Variants in PCDH10 observed in about 807,000 individuals in gnomAD.
PCDH10 encodes protocadherin 10, also known as protocadherin-10.
Under a neutral mutation model 74.4 loss-of-function variants are expected in PCDH10, and 15 were observed. The observed-to-expected ratio is 0.20, with a 90% CI of 0.13 to 0.31. The LOEUF (loss-of-function observed/expected upper bound fraction) is 0.31, where lower values mean the gene tolerates loss of function less well. PCDH10 is among the 10% of genes least tolerant of loss of function. The pLI, the probability that PCDH10 is intolerant of heterozygous loss-of-function variation, is 1.00. For missense variants in PCDH10, 1,260 were observed against 1,390.2 expected (o/e 0.91, Z 1.49); for synonymous variants, 619 against 589.8 (o/e 1.05, Z -0.72).
chr4:133,207,962 A>G (rs1287794366), intron 2 of PCDH10: 1 of 152,198 alleles, frequency 6.6e-6, no homozygotes, highest in East Asian at 1.9e-4. Context: ...TAAAAAAATC[A>G]AAGTGATAAA....
intron 4 of PCDH10, among the ~76,000 whole-genome samples, chr4:133,186,188 A>T (rs992883939): frequency 2.6e-5 from 4 of 152,154 alleles, no homozygotes; most frequent in Non-Finnish European, 4.4e-5. Flanking sequence ...AGTTATCAGA[A>T]GGTAGATACT....
At chr4:133,197,196 A>G (rs192502963), downstream of PCDH10, among the ~76,000 whole-genome samples, 194 of 152,312 alleles carry the variant, frequency 1.3e-3, 1 homozygote, top group Admixed American at 2.3e-3. Flanking sequence ...GTATGTTTGC[A>G]CTAGGACATA....
intron 4 of PCDH10, among the ~76,000 whole-genome samples, chr4:133,180,312 G>A (rs1180236819): frequency 6.6e-6 from 1 of 152,004 alleles, no homozygotes; most frequent in African/African-American, 2.4e-5. Flanking sequence ...TGAACAGGAG[G>A]TTGTTGATAG....
chr4:133,151,744 A>T lies in PCDH10; in HGVS notation c.1604A>T (p.Gln535Leu), dbSNP rs1726704329. The change falls in exon 1 of 5, where the codon CAG (glutamine) becomes CTG (leucine). Residue 535 changes from glutamine to leucine, a missense_variant. By Grantham distance (113) the Gln-to-Leu change is moderately radical. Transcript: ENST00000264360. ...LYALRSFDYE[Q>L]LKDFSFQVEA... is the part of the protein sequence containing the mutation. ...GCCCTGCGCTCCTTCGACTATGAGC[A>T]GCTGAAGGACTTCAGTTTTCAGGTG... 6.2e-7 allele frequency: 1 copy of T among 1,613,032 alleles called. No homozygotes were observed. Among genetic ancestry groups the T allele is most frequent in the Non-Finnish European group, 8.5e-7 (1 of 1,180,052 alleles).
rs775979415 is a variant in PCDH10, at chr4:133,151,074, G to A, written c.934G>A (p.Val312Ile). 1.2e-5 allele frequency: 20 copies of A among 1,614,134 alleles called. No individual in the cohort carries two copies. In the South Asian group the frequency reaches 2.1e-4, roughly 17 times the overall value. ...GLSPRTGRLE[V>I]SGELDYEESP... Reference sequence around the variant, plus strand: ...CTCGCCGCGCACTGGCAGACTGGAGGTAAGCGGCGAGTTGGACTATGAAGA... The same window carrying A: ...CTCGCCGCGCACTGGCAGACTGGAGATAAGCGGCGAGTTGGACTATGAAGA... The change falls in exon 1 of 5, where the codon GTA becomes ATA. Residue 312 changes from valine (V) to isoleucine (I), a missense_variant. Physicochemically the swap from Val to Ile is conservative, Grantham distance 29. Transcript: ENST00000264360.
At chr4:133,197,663 C>T (rs1434921503), downstream of PCDH10, among the ~76,000 whole-genome samples, 1 of 152,052 alleles carries the variant, frequency 6.6e-6, no homozygotes, top group African/African-American at 2.4e-5. Context: ...TAGAAAACAT[C>T]TGATGATCAT....
chr4:133,162,039 G>T (rs1240222220), intron 3 of PCDH10, among the ~76,000 whole-genome samples: 1 of 152,108 alleles, frequency 6.6e-6, no homozygotes, highest in African/African-American at 2.4e-5. Context: ...GACCTTTCTT[G>T]ATCATAATCA....
At chr4:133,199,672 T>A (rs2125877078), downstream of PCDH10, among the ~76,000 whole-genome samples, 1 of 151,318 alleles carries the variant, frequency 6.6e-6, no homozygotes, top group Non-Finnish European at 1.5e-5. Flanking sequence ...AAAGGCTTTC[T>A]AATTTTCTCT....
At chr4:133,178,495 C>G (rs755255774) in intron 4 of PCDH10, among the ~76,000 whole-genome samples, 2 of 151,924 alleles carry the variant, frequency 1.3e-5, no homozygotes, top group Non-Finnish European at 2.9e-5. Flanking sequence ...CTTGGCCTCC[C>G]AAAGTGCTGG....
intron 2 of PCDH10, among the ~76,000 whole-genome samples, chr4:133,201,154 T>TG (rs1727901290): frequency 6.6e-6 from 1 of 152,128 alleles, no homozygotes; most frequent in Non-Finnish European, 1.5e-5. Context: ...CAAGAGTAAA[T>TG]CTGACTAACC....
chr4:133,180,263 A>G (rs1727387482), intron 4 of PCDH10, among the ~76,000 whole-genome samples: 1 of 152,088 alleles, frequency 6.6e-6, no homozygotes, highest in African/African-American at 2.4e-5. Context: ...TTAAATATAA[A>G]CATAAAGGGT....
Position 133,151,809 on chromosome 4 carries a change from A to G in PCDH10, c.1669A>G (p.Asn557Asp), listed in dbSNP as rs970893347. Residue 557 changes from asparagine (N) to aspartate (D), a missense_variant, in exon 1 of 5, where the codon AAC (asparagine) becomes GAC (aspartate). By Grantham distance (23) the Asn-to-Asp change is conservative. Coordinates refer to ENST00000264360, the MANE Select transcript of PCDH10 (RefSeq NM_032961.3). ...DAGSPQALAG[N>D]ATVNILIVDQ... The stretch of plus-strand genomic sequence containing the variant: ...TGGCAGCCCCCAGGCGCTGGCTGGT[A>G]ACGCCACTGTCAACATCCTCATAGT... The G allele has an allele frequency of 1.2e-6, 2 of 1,613,098 alleles. No individual in the cohort carries two copies. Among genetic ancestry groups the G allele is most frequent in the South Asian group, 2.2e-5 (2 of 91,084 alleles).
At chr4:133,170,222 A>ATT (rs1271876217) in intron 4 of PCDH10, among the ~76,000 whole-genome samples, 1 of 152,138 alleles carries the variant, frequency 6.6e-6, no homozygotes, top group Non-Finnish European at 1.5e-5. Context: ...CGTACCTTAT[A>ATT]TAGCATCATG....
chr4:133,166,349 G>A (rs1322339552), intron 4 of PCDH10, among the ~76,000 whole-genome samples: 1 of 151,378 alleles, frequency 6.6e-6, no homozygotes, highest in Non-Finnish European at 1.5e-5. Flanking sequence ...ATTGCCTACA[G>A]CACTTTAAAT....
Position 133,151,158 on chromosome 4 carries a change from G to A in PCDH10, c.1018G>A (p.Ala340Thr), listed in dbSNP as rs1726677457. ...AKDLGPNAVPAHCKVLVRVLD... is the reference protein window; with the variant it reads ...AKDLGPNAVPTHCKVLVRVLD... ...GGACCTGGGCCCCAACGCCGTGCCT[G>A]CGCACTGCAAGGTGCTAGTGCGAGT... The change falls in exon 1 of 5, where the codon GCG becomes ACG. Residue 340 changes from alanine to threonine, a missense_variant. By Grantham distance (58) the Ala-to-Thr change is moderately conservative. Around this residue, in one of 11 missense-constraint regions of PCDH10, gnomAD observed 13 missense variants for 44.5 expected, o/e 0.29. Transcript: ENST00000264360. The A allele has an allele frequency of 1.2e-6, 2 of 1,614,028 alleles. No homozygotes were observed. The highest frequency in any genetic ancestry group is 1.7e-6 in the Non-Finnish European group (2 of 1,180,008).
chr4:133,166,434 G>A (rs1030682256), intron 4 of PCDH10, among the ~76,000 whole-genome samples: 3 of 151,366 alleles, frequency 2.0e-5, no homozygotes, highest in African/African-American at 7.3e-5. Context: ...AACATTTTAA[G>A]GATTTGTTTA....
At chr4:133,181,787 T>A (rs1188497652) in intron 4 of PCDH10, among the ~76,000 whole-genome samples, 1 of 152,116 alleles carries the variant, frequency 6.6e-6, no homozygotes, top group African/African-American at 2.4e-5. Context: ...AGGGAAAATC[T>A]GATCATCAAG....
At position 133,193,494 on chromosome 4, in the gene PCDH10, G is replaced by C. The variant is rs1410182280; in HGVS notation, c.*3334G>C. 6.6e-6 allele frequency: 1 copy of C among 151,602 alleles called. No homozygotes were observed. The highest frequency in any genetic ancestry group is 1.5e-5 in the Non-Finnish European group (1 of 67,656). 9.4% of individuals were successfully genotyped at this position (151,602 alleles called of 1,614,324 possible). A position where few individuals can be genotyped will look rare whatever the true frequency, so the allele number is the denominator to read the frequency against. ...GCTTCTTCAATAAGAGGAGGAAAAAGAATCTCACAATTCCCAATATAATCT... is the reference window on the plus strand; with the variant it reads ...GCTTCTTCAATAAGAGGAGGAAAAACAATCTCACAATTCCCAATATAATCT... On this transcript the variant is annotated 3_prime_UTR_variant, in exon 5 of 5. Coordinates refer to ENST00000264360, the MANE Select transcript of PCDH10 (RefSeq NM_032961.3).
In PCDH10 at chr4:133,191,771, C is replaced by A. The variant is rs1727675173; in HGVS notation, c.*1611C>A. On this transcript the variant is annotated 3_prime_UTR_variant, in exon 5 of 5. Coordinates refer to ENST00000264360, the MANE Select transcript of PCDH10 (RefSeq NM_032961.3). ...TCAACATTATATCAAAATGTTTGCC[C>A]AGTTCAAATTAGAAACCTGTTTTGA... 1 of 151,538 alleles carries A rather than the reference C, an allele frequency of 6.6e-6. No homozygotes were observed. The highest frequency in any genetic ancestry group is 6.6e-5 in the Admixed American group (1 of 15,154). 9.4% of individuals were successfully genotyped at this position (151,538 alleles called of 1,614,324 possible). A position where few individuals can be genotyped will look rare whatever the true frequency, so the allele number is the denominator to read the frequency against.
Sources: gnomAD v4.1 joint callset for allele counts (sites outside exome capture counted in the v4.1 genomes callset) on GRCh38, gnomAD v4.1.1 for gene constraint, gnomAD v4.1.1 regional missense constraint, MANE v1.5 for transcripts, NCBI Gene and HGNC (gene_info 2026-07-23, HGNC 2026-07-21) for gene names.